The following TAFA1 variants were observed in gnomAD, a reference collection of about 807,000 sequenced individuals.
TAFA1 encodes the protein chemokine-like protein TAFA-1.
A neutral mutation model predicts 18.5 loss-of-function variants in TAFA1; 4 were observed. The observed-to-expected ratio is 0.22, with a 90% CI of 0.11 to 0.49. The LOEUF is 0.49. Ranked by LOEUF, TAFA1 falls within the 20% of genes least tolerant of loss-of-function variation. The pLI, the probability that TAFA1 is intolerant of heterozygous loss-of-function variation, is 0.98. For synonymous variants in TAFA1, 56 were observed against 55.2 expected (o/e 1.01, Z -0.06); for missense variants, 147 against 169.0 (o/e 0.87, Z 0.72).
intron 2 of TAFA1, among the ~76,000 whole-genome samples, chr3:68,042,661 C>G (rs13324214): frequency 1.3e-5 from 2 of 152,064 alleles, no homozygotes; most frequent in Non-Finnish European, 2.9e-5. Flanking sequence ...AACACACAAA[C>G]AAAAACTTTA....
intron 2 of TAFA1, among the ~76,000 whole-genome samples, chr3:68,085,318 T>C: frequency 6.6e-6 from 1 of 152,224 alleles, no homozygotes. Context: ...AGGCCTTAAT[T>C]GTGAAACACT....
chr3:68,363,514 T>C (rs1039530263), intron 2 of TAFA1, among the ~76,000 whole-genome samples: 1 of 152,096 alleles, frequency 6.6e-6, no homozygotes, highest in Non-Finnish European at 1.5e-5. Context: ...ACATGGAAAA[T>C]GGGAATTCAA....
intron 3 of TAFA1, among the ~76,000 whole-genome samples, chr3:68,495,998 CAAAAAAAAAAA>C (rs199520960): frequency 8.4e-5 from 9 of 107,572 alleles, no homozygotes; most frequent in East Asian, 5.6e-4. Context: ...TTCCCTGAAG[CAAAAAAAAAAA>C]AAAAAAAAAA....
At chr3:68,539,542 C>G (rs1331718547) in intron 4 of TAFA1, among the ~76,000 whole-genome samples, 1 of 151,818 alleles carries the variant, frequency 6.6e-6, no homozygotes. Flanking sequence ...GGGAGATGCT[C>G]CGGATGCTTA....
chr3:68,275,585 A>G (rs982139141), intron 2 of TAFA1, among the ~76,000 whole-genome samples: 1 of 152,000 alleles, frequency 6.6e-6, no homozygotes, highest in African/African-American at 2.4e-5. Context: ...AATTTCAGAT[A>G]AAGTATATGA....
At chr3:68,307,043 C>CATTA (rs1190077570) in intron 2 of TAFA1, among the ~76,000 whole-genome samples, 3 of 152,132 alleles carry the variant, frequency 2.0e-5, no homozygotes, top group African/African-American at 7.2e-5. Flanking sequence ...ATGTAACTAC[C>CATTA]ATTAGCTTCT....
intron 2 of TAFA1, among the ~76,000 whole-genome samples, chr3:68,104,402 T>G (rs2065182364): frequency 6.6e-6 from 1 of 152,036 alleles, no homozygotes; most frequent in African/African-American, 2.4e-5. Flanking sequence ...ACAGAAAAAT[T>G]TATTACTTTT....
At chr3:68,120,171 C>CTTTCTTTCTTTCTTTCTT (rs1178876848) in intron 2 of TAFA1, among the ~76,000 whole-genome samples, 26 of 84,486 alleles carry the variant, frequency 3.1e-4, no homozygotes, top group African/African-American at 1.1e-3. Flanking sequence ...CTCTTTCTTT[C>CTTTCTTTCTTTCTTTCTT]TCTTTCTTTC....
chr3:68,132,549 T>C (rs1049454391), intron 2 of TAFA1, among the ~76,000 whole-genome samples: 2 of 152,106 alleles, frequency 1.3e-5, no homozygotes, highest in Non-Finnish European at 2.9e-5. Context: ...TTGTTTCCTA[T>C]TTCTTAATGA....
intron 2 of TAFA1, among the ~76,000 whole-genome samples, chr3:68,370,417 T>TACACAC (rs36170007): frequency 8.5e-4 from 68 of 80,252 alleles, no homozygotes; most frequent in African/African-American, 3.2e-3. Flanking sequence ...CATATATATG[T>TACACAC]ACACACACAC....
At chr3:68,391,465 A>G (rs1015273843) in intron 2 of TAFA1, among the ~76,000 whole-genome samples, 1 of 152,208 alleles carries the variant, frequency 6.6e-6, no homozygotes, top group African/African-American at 2.4e-5. Context: ...AACTTCCCCA[A>G]CCTAGCAAGA....
At chr3:68,035,591 A>G (rs747534029) in intron 2 of TAFA1, among the ~76,000 whole-genome samples, 1 of 152,254 alleles carries the variant, frequency 6.6e-6, no homozygotes, top group Non-Finnish European at 1.5e-5. Context: ...TTATGGGAAT[A>G]AAAAATGACA....
chr3:68,370,591 A>T (rs2069686195), intron 2 of TAFA1, among the ~76,000 whole-genome samples: 1 of 141,560 alleles, frequency 7.1e-6, no homozygotes, highest in Admixed American at 7.4e-5. Context: ...ACTCAAAATG[A>T]ATTGTTAACT....
chr3:68,029,026 T>A (rs896732391), intron 2 of TAFA1, among the ~76,000 whole-genome samples: 1 of 152,160 alleles, frequency 6.6e-6, no homozygotes. Flanking sequence ...GTGCTGGGAT[T>A]AGACGCATGA....
chr3:68,268,261 A>G (rs1171294217), intron 2 of TAFA1, among the ~76,000 whole-genome samples: 1 of 152,152 alleles, frequency 6.6e-6, no homozygotes, highest in Non-Finnish European at 1.5e-5. Context: ...ACTTCAGGAT[A>G]TAAGAAAATA....
intron 2 of TAFA1, among the ~76,000 whole-genome samples, chr3:68,181,742 T>TTCTA (rs1195291342): frequency 3.3e-5 from 5 of 152,310 alleles, no homozygotes; most frequent in African/African-American, 1.2e-4. Flanking sequence ...GGAAATGGCT[T>TTCTA]AGACATCTGT....
chr3:68,432,888 T>G (rs936533232), intron 3 of TAFA1, among the ~76,000 whole-genome samples: 2 of 152,024 alleles, frequency 1.3e-5, no homozygotes, highest in African/African-American at 4.8e-5. Flanking sequence ...GACTTTGGTC[T>G]TCTCTTAGCC....
chr3:68,439,218 T>C (rs2071321438), intron 3 of TAFA1, among the ~76,000 whole-genome samples: 1 of 151,622 alleles, frequency 6.6e-6, no homozygotes, highest in Non-Finnish European at 1.5e-5. Context: ...TATTTATAAA[T>C]TCTGTCTTCA....
At chr3:68,154,140 A>G (rs1388708162) in intron 2 of TAFA1, among the ~76,000 whole-genome samples, 1 of 152,170 alleles carries the variant, frequency 6.6e-6, no homozygotes, top group African/African-American at 2.4e-5. Context: ...GGGATCCTGG[A>G]TCTGTCCATC....
Sources: gnomAD v4.1 joint callset for allele counts (sites outside exome capture counted in the v4.1 genomes callset) on GRCh38, gnomAD v4.1.1 for gene constraint, MANE v1.5 for transcripts, NCBI Gene and HGNC (gene_info 2026-07-23, HGNC 2026-07-21) for gene names.